OCM: variants seen among roughly 807,000 people sequenced by gnomAD.
OCM encodes the protein oncomodulin.
OCM carries 18 observed loss-of-function variants against 14.1 expected under a neutral mutation model. The ratio of observed to expected loss-of-function variants is 1.28; its 90% CI spans 0.88 to 1.89. OCM has a LOEUF of 1.89. Among genes scored for constraint, OCM ranks in the 40% most tolerant of loss-of-function variants. The pLI is 0.00. For missense variants in OCM, 140 were observed against 137.6 expected (o/e 1.02, Z -0.09); for synonymous variants, 48 against 51.0 (o/e 0.94, Z 0.25).
At chr7:5,885,981 CTT>C in intron 3 of OCM, 81 bp from the exon 4 acceptor site, 2 of 1,592,586 alleles carry the variant, frequency 1.3e-6, no homozygotes, top group Non-Finnish European at 1.7e-6. Flanking sequence ...TTCCTTCCCT[CTT>C]TGGAATTCTC....
chr7:5,862,780 TCTA>T, the OCM span, among the ~76,000 whole-genome samples: 1 of 152,182 alleles, frequency 6.6e-6, no homozygotes, highest in Non-Finnish European at 1.5e-5. Flanking sequence ...AAAATGTAGA[TCTA>T]CTGAGCTCAA....
upstream of OCM, among the ~76,000 whole-genome samples, chr7:5,875,519 G>A (rs1278676803): frequency 2.6e-5 from 4 of 151,866 alleles, no homozygotes; most frequent in African/African-American, 9.7e-5. Flanking sequence ...CATCACCCTG[G>A]CTGGTCTCGA....
At chr7:5,867,384 G>T in the OCM span, among the ~76,000 whole-genome samples, 1 of 151,862 alleles carries the variant, frequency 6.6e-6, no homozygotes, top group Non-Finnish European at 1.5e-5. Context: ...CTTTTTTCTG[G>T]CTGCCTTTAT....
the OCM span, among the ~76,000 whole-genome samples, chr7:5,870,707 C>G: frequency 2.2e-4 from 33 of 152,304 alleles, no homozygotes; most frequent in South Asian, 6.4e-3. Context: ...AAAATGTTTG[C>G]TGCTTTGCTG....
rs1051714388 is a variant in OCM at position 5,886,087 on chromosome 7, T to C, written c.328T>C (p.Ter110GlnextTer35). ...AGAATTCCAGGAAATGGTGCATTCT[T>C]AAAAGCCCCAGTCTCTGGAGAAAAG... is the stretch of plus-strand genomic sequence containing the variant. ...AEEFQEMVHS[*>Q] Residue 110 changes from the stop codon to glutamine, a stop_lost, in exon 4 of 4, where the codon TAA (stop) becomes CAA (glutamine). Transcript: ENST00000242104. The C allele has an allele frequency of 1.2e-6, 2 of 1,613,398 alleles. No homozygotes were observed. Among genetic ancestry groups the C allele is most frequent in the Non-Finnish European group, 1.7e-6 (2 of 1,179,498 alleles).
the OCM span, among the ~76,000 whole-genome samples, chr7:5,866,394 A>AAAGGAGGAAGGGAGGG: frequency 2.3e-4 from 12 of 52,088 alleles, no homozygotes; most frequent in South Asian, 1.2e-3. Flanking sequence ...GGAAGAGAGG[A>AAAGGAGGAAGGGAGGG]AGGAAAGAAG....
chr7:5,869,243 A>G, the OCM span, among the ~76,000 whole-genome samples: 1 of 152,150 alleles, frequency 6.6e-6, no homozygotes. Flanking sequence ...AGGCCCTCCT[A>G]GACACACCTG....
rs538038696 is a variant in OCM, at chr7:5,882,829, G to A, written c.194+204G>A. ...TCAATATGGGCAGAGAAGACTGCAG[G>A]TGCAAAGATTCTTTTTTTTTTTTTT... On this transcript the variant is annotated intron_variant, in intron 2 of 3. Coordinates refer to ENST00000242104, the MANE Select transcript of OCM (RefSeq NM_001097622.2). Among the ~76,000 whole-genome samples, 33 of 145,618 alleles carry A rather than the reference G, an allele frequency of 2.3e-4. 1 individual carries two copies. The highest frequency in any genetic ancestry group is 1.8e-3 in the Admixed American group (25 of 13,544).
chr7:5,860,669 C>A, the OCM span, among the ~76,000 whole-genome samples: 2 of 89,146 alleles, frequency 2.2e-5, 1 homozygote, highest in Non-Finnish European at 4.1e-5. Context: ...CGTATATATA[C>A]GTGTATATAT....
At chr7:5,860,476 T>C in the OCM span, among the ~76,000 whole-genome samples, 3 of 36,576 alleles carry the variant, frequency 8.2e-5, no homozygotes, top group African/African-American at 7.4e-4. Context: ...TATATATACG[T>C]GTATATATAC....
chr7:5,866,346 GAGGGAGGGAGGAAAGGAGGA>G, the OCM span, among the ~76,000 whole-genome samples: 125 of 117,726 alleles, frequency 1.1e-3, no homozygotes, highest in South Asian at 2.6e-3. Context: ...GTGGGGGGGA[GAGGGAGGGAGGAAAGGAGGA>G]AGGGAGGGAG....
the OCM span, among the ~76,000 whole-genome samples, chr7:5,861,899 T>A: frequency 6.6e-6 from 1 of 151,912 alleles, no homozygotes; most frequent in Admixed American, 6.6e-5. Context: ...TTTAAAAAAA[T>A]TTTTTTAGAG....
upstream of OCM, among the ~76,000 whole-genome samples, chr7:5,879,411 G>A (rs558033705): frequency 6.6e-6 from 1 of 152,274 alleles, no homozygotes; most frequent in Admixed American, 6.5e-5. Flanking sequence ...TGTGCCGGGT[G>A]AGACCTGTGT....
chr7:5,875,125 G>T (rs146713555), upstream of OCM, among the ~76,000 whole-genome samples: 8,755 of 150,570 alleles, frequency 0.058, 438 homozygotes, highest in East Asian at 0.25. Context: ...CACAAACTTG[G>T]CTCACTGCAA....
At chr7:5,862,451 C>G in the OCM span, among the ~76,000 whole-genome samples, 4 of 152,070 alleles carry the variant, frequency 2.6e-5, no homozygotes, top group African/African-American at 9.7e-5. Context: ...TAAACTAGCC[C>G]TAAAAGCAAG....
the OCM span, among the ~76,000 whole-genome samples, chr7:5,870,475 C>A: frequency 1.1e-4 from 16 of 152,058 alleles, no homozygotes; most frequent in Admixed American, 5.2e-4. Flanking sequence ...AGAACAAGTC[C>A]TTATTCATAA....
intron 3 of OCM, among the ~76,000 whole-genome samples, chr7:5,884,728 C>G (rs1357976140): frequency 8.1e-6 from 1 of 123,914 alleles, no homozygotes. Flanking sequence ...AAAAAAAAAA[C>G]CTGTTCAAAA....
the OCM span, among the ~76,000 whole-genome samples, chr7:5,861,373 A>G: frequency 1.3e-5 from 2 of 151,898 alleles, no homozygotes; most frequent in Non-Finnish European, 2.9e-5. Context: ...GTGAGCTGAG[A>G]TCGCACCATT....
At chr7:5,861,973 C>A in the OCM span, among the ~76,000 whole-genome samples, 1 of 152,120 alleles carries the variant, frequency 6.6e-6, no homozygotes, top group Admixed American at 6.6e-5. Flanking sequence ...GAACATTGCA[C>A]ACTACAGCCT....
Sources: gnomAD v4.1 joint callset for allele counts (sites outside exome capture counted in the v4.1 genomes callset) on GRCh38, gnomAD v4.1.1 for gene constraint, MANE v1.5 for transcripts, NCBI Gene and HGNC (gene_info 2026-07-23, HGNC 2026-07-21) for gene names.